The following CNTRL variants were observed in gnomAD, a reference collection of about 807,000 sequenced individuals.
CNTRL encodes 110 kDa centrosomal protein.
Under a neutral mutation model 303.7 loss-of-function variants are expected in CNTRL, and 233 were observed. The ratio of observed to expected loss-of-function variants is 0.77; its 90% CI spans 0.69 to 0.86. The LOEUF is 0.86. Ranked by LOEUF, CNTRL falls within the 40% of genes least tolerant of loss-of-function variation. The pLI is 0.00. For synonymous variants in CNTRL, 900 were observed against 922.2 expected (o/e 0.98, Z 0.44); for missense variants, 2,524 against 2,650.6 (o/e 0.95, Z 1.05).
chr9:121,135,707 C>A, intron 14 of CNTRL, 99 bp from the exon 15 acceptor site: 1 of 1,093,826 alleles, frequency 9.1e-7, no homozygotes, highest in Non-Finnish European at 1.3e-6. Flanking sequence ...AGTAGCTGGC[C>A]AGCATTTGGT....
At chr9:121,133,112 A>T (rs1000189364) in intron 14 of CNTRL, among the ~76,000 whole-genome samples, 2 of 152,184 alleles carry the variant, frequency 1.3e-5, no homozygotes, top group Admixed American at 6.5e-5. Flanking sequence ...CCACTTGAGG[A>T]GGCAGTCTGT....
At chr9:121,168,804 T>C (rs1241423397) in intron 38 of CNTRL, among the ~76,000 whole-genome samples, 1 of 152,194 alleles carries the variant, frequency 6.6e-6, no homozygotes, top group Non-Finnish European at 1.5e-5. Flanking sequence ...GGTAAATGAT[T>C]GTTCTCACAT....
At chr9:121,089,176 A>G (rs966961143) in intron 3 of CNTRL, among the ~76,000 whole-genome samples, 3 of 152,234 alleles carry the variant, frequency 2.0e-5, no homozygotes, top group South Asian at 4.1e-4. Flanking sequence ...AGTTTATACT[A>G]TATCTTTGCT....
chr9:121,127,409 A>G (rs959677736), intron 14 of CNTRL, among the ~76,000 whole-genome samples: 14 of 152,242 alleles, frequency 9.2e-5, no homozygotes, highest in East Asian at 5.8e-4. Flanking sequence ...TACTTTTCAT[A>G]GTGAGTTTAT....
At position 121,120,165 on chromosome 9, in the gene CNTRL, A is replaced by G. The variant is rs562976103; in HGVS notation, c.1650+1625A>G. Among the ~76,000 whole-genome samples, 13 of 152,238 alleles carry G rather than the reference A, an allele frequency of 8.5e-5. No homozygotes were observed. The South Asian group carries it at 1.2e-3, about 15-fold the overall frequency. On this transcript the variant is annotated intron_variant, in intron 12 of 43. Transcript: ENST00000373855. ...TAAGATCTCTGGATTAATAGAAATCATAGAATTTAACATAGTAAGGATATT... is the reference window on the plus strand; with the variant it reads ...TAAGATCTCTGGATTAATAGAAATCGTAGAATTTAACATAGTAAGGATATT...
rs1199563742 is a variant in CNTRL, at chr9:121,142,226, GAGA to G, written c.2830_2832del (p.Lys944del). The stretch of plus-strand genomic sequence containing the variant: ...TCTCCAACTTCAGGAAGCTGATGAA[GAGA>G]AGGAGAGAATTCTGGCCCAACTCCG... On this transcript the variant is annotated inframe_deletion, in exon 19 of 44. Transcript: ENST00000373855. 11 of 1,610,554 alleles carry G rather than the reference GAGA, an allele frequency of 6.8e-6. No homozygotes were observed. Among genetic ancestry groups the G allele is most frequent in the Middle Eastern group, 1.7e-4 (1 of 6,052 alleles).
chr9:121,177,434 T>A lies in CNTRL; in HGVS notation c.*248T>A, dbSNP rs931329196. The A allele has an allele frequency of 4.3e-5, 17 of 399,188 alleles. No homozygotes were observed. Among genetic ancestry groups the A allele is most frequent in the African/African-American group, 3.5e-4 (17 of 47,966 alleles). The allele number at this position is 399,188 out of a possible 1,614,324, so 24.7% of individuals were successfully genotyped here. A position where few individuals can be genotyped will look rare whatever the true frequency, so the allele number is the denominator to read the frequency against. On this transcript the variant is annotated 3_prime_UTR_variant, in exon 44 of 44. Coordinates refer to ENST00000373855, the MANE Select transcript of CNTRL (RefSeq NM_007018.6). ...TGTGGCTGAGCCTTTTTTTTTTTAATCTTCGTAACATGTTTAAAAAAAAAC... is the reference window on the plus strand; with the variant it reads ...TGTGGCTGAGCCTTTTTTTTTTTAAACTTCGTAACATGTTTAAAAAAAAAC...
In CNTRL at chr9:121,123,930, G is replaced by C; in HGVS notation, c.1651-1G>C. On this transcript the variant is annotated splice_acceptor_variant, in intron 12 of 43. Transcript: ENST00000373855. LOFTEE classifies it high-confidence loss of function. Reference sequence around the variant, plus strand: ...TTTGTTGATTTTTTTTTTTAATTCAGTCCCATATGAAGGCTCAAAAGAGCG... The same window carrying C: ...TTTGTTGATTTTTTTTTTTAATTCACTCCCATATGAAGGCTCAAAAGAGCG... 1 of 1,565,710 alleles carries C rather than the reference G, an allele frequency of 6.4e-7. No individual in the cohort carries two copies. The highest frequency in any genetic ancestry group is 1.2e-5 in the South Asian group (1 of 82,272).
Position 121,141,375 on chromosome 9 carries a change from T to C in CNTRL, c.2484-6T>C. On this transcript the variant is annotated splice_polypyrimidine_tract_variant and splice_region_variant and intron_variant, in intron 17 of 43. Coordinates refer to ENST00000373855, the MANE Select transcript of CNTRL (RefSeq NM_007018.6). ...CATTTATACCATTTTTCCCCCTCCT[T>C]ACTAGCATCCATAGTCCTTCAGATG... The C allele has an allele frequency of 6.2e-7, 1 of 1,606,910 alleles. No homozygotes were observed. Among genetic ancestry groups the C allele is most frequent in the Non-Finnish European group, 8.5e-7 (1 of 1,174,042 alleles).
intron 35 of CNTRL, 58 bp from the exon 36 acceptor site, chr9:121,166,049 G>A (rs749014260): frequency 5.3e-6 from 7 of 1,317,702 alleles, no homozygotes; most frequent in Non-Finnish European, 7.5e-6. Flanking sequence ...ATGCTAATGG[G>A]AATCTGTACA....
chr9:121,078,604 C>T (rs2048022294), intron 1 of CNTRL, among the ~76,000 whole-genome samples: 4 of 152,140 alleles, frequency 2.6e-5, no homozygotes, highest in Admixed American at 2.6e-4. Context: ...CGTCACATCC[C>T]TAAGGTTGAA....
intron 43 of CNTRL, 92 bp from the exon 44 acceptor site, chr9:121,177,071 C>A (rs2053558124): frequency 9.9e-7 from 1 of 1,009,658 alleles, no homozygotes; most frequent in South Asian, 1.4e-5. Context: ...TCAAATATGT[C>A]ATTTACCTAT....
intron 7 of CNTRL, among the ~76,000 whole-genome samples, chr9:121,104,076 A>G (rs1046615122): frequency 1.3e-5 from 2 of 152,234 alleles, no homozygotes; most frequent in Non-Finnish European, 2.9e-5. Context: ...ACACGCACAC[A>G]TATGTTTATT....
rs1283403031 is a variant in CNTRL at position 121,148,774 on chromosome 9, A to G, written c.3562A>G (p.Lys1188Glu). 2 of 1,613,968 alleles carry G rather than the reference A, an allele frequency of 1.2e-6. No homozygotes were observed. The highest frequency in any genetic ancestry group is 2.7e-5 in the African/African-American group (2 of 74,902). Reference sequence around the variant, plus strand: ...ACCACGCCCTGGGCAGCAGGATGGGAAGGAAGGCAGTCAACCTCCCCCTGC... The same window carrying G: ...ACCACGCCCTGGGCAGCAGGATGGGGAGGAAGGCAGTCAACCTCCCCCTGC... ...RKPRPGQQDG[K>E]EGSQPPPASG... The change falls in exon 24 of 44, where the codon AAG (lysine) becomes GAG (glutamate). Residue 1188 changes from lysine (K) to glutamate (E), a missense_variant. By Grantham distance (56) the Lys-to-Glu change is moderately conservative (BLOSUM62 1). Transcript: ENST00000373855.
Position 121,144,093 on chromosome 9 carries a change from A to T in CNTRL, c.3051+11A>T. On this transcript the variant is annotated intron_variant, in intron 20 of 43. Coordinates refer to ENST00000373855, the MANE Select transcript of CNTRL (RefSeq NM_007018.6). ...CAGGAGCGAGCAGAGGTGAGTTCAC[A>T]TGTACAGAACAGGTTTCCATCAATG... 1.3e-6 allele frequency: 2 copies of T among 1,596,200 alleles called. No homozygotes were observed. Among genetic ancestry groups the T allele is most frequent in the Non-Finnish European group, 1.7e-6 (2 of 1,173,590 alleles).
intron 7 of CNTRL, among the ~76,000 whole-genome samples, chr9:121,102,442 T>C (rs1485709910): frequency 6.6e-6 from 1 of 152,176 alleles, no homozygotes; most frequent in African/African-American, 2.4e-5. Flanking sequence ...GCCAATATCA[T>C]ACTGAATGGG....
chr9:121,166,674 T>G (rs897844981), intron 36 of CNTRL, among the ~76,000 whole-genome samples: 2 of 152,226 alleles, frequency 1.3e-5, no homozygotes, highest in Non-Finnish European at 2.9e-5. Flanking sequence ...GTGAGACTAG[T>G]GCTGTAATTC....
chr9:121,111,506 GT>G (rs796294293), intron 8 of CNTRL, among the ~76,000 whole-genome samples: 11 of 152,024 alleles, frequency 7.2e-5, no homozygotes, highest in African/African-American at 2.7e-4. Flanking sequence ...AAATGTTTGT[GT>G]TTGTTTATGT....
chr9:121,136,587 A>G (rs1194713334), intron 15 of CNTRL, among the ~76,000 whole-genome samples: 1 of 152,220 alleles, frequency 6.6e-6, no homozygotes, highest in Non-Finnish European at 1.5e-5. Flanking sequence ...CTGGGATTAC[A>G]GGCATGGGCC....
Sources: allele counts gnomAD v4.1 joint callset (sites outside exome capture counted in the v4.1 genomes callset), GRCh38; gene constraint gnomAD v4.1.1; transcripts MANE v1.5; gene names NCBI Gene and HGNC (gene_info 2026-07-23, HGNC 2026-07-21).